Variants in UBE2QL1 observed in about 807,000 individuals in gnomAD.
UBE2QL1 encodes ubiquitin conjugating enzyme E2 QL1, also known as ubiquitin-conjugating enzyme E2Q-like protein 1.
UBE2QL1 carries 5 observed loss-of-function variants against 12.6 expected under a neutral mutation model. The ratio of observed to expected loss-of-function variants is 0.40; its 90% CI spans 0.21 to 0.83. UBE2QL1 has a LOEUF of 0.83. Ranked by LOEUF, UBE2QL1 falls within the 40% of genes least tolerant of loss-of-function variation. The pLI is 0.37. For missense variants in UBE2QL1, 99 were observed against 222.6 expected, an observed-to-expected ratio of 0.44 and a Z score of 3.53; for synonymous variants, 96 against 94.5, an observed-to-expected ratio of 1.02 and a Z score of -0.10.
intron 1 of UBE2QL1, among the ~76,000 whole-genome samples, chr5:6,487,908 G>A (rs1436466333): frequency 6.6e-6 from 1 of 152,232 alleles, no homozygotes. Flanking sequence ...GGCACAGCAA[G>A]GGCATGTCAG....
At chr5:6,485,355 A>G (rs1579302124) in intron 1 of UBE2QL1, among the ~76,000 whole-genome samples, 1 of 152,362 alleles carries the variant, frequency 6.6e-6, no homozygotes, top group East Asian at 1.9e-4. Context: ...TTTGTCCTTT[A>G]GAAACTTACA....
chr5:6,490,434 A>G (rs772062594), intron 1 of UBE2QL1, among the ~76,000 whole-genome samples: 1 of 152,232 alleles, frequency 6.6e-6, no homozygotes, highest in African/African-American at 2.4e-5. Context: ...TGACCACTGC[A>G]GAGACAAGTG....
intron 1 of UBE2QL1, among the ~76,000 whole-genome samples, chr5:6,450,818 T>C (rs1489836870): frequency 2.6e-5 from 4 of 152,216 alleles, no homozygotes; most frequent in Non-Finnish European, 5.9e-5. Flanking sequence ...GTAACAACTC[T>C]AGAAAAACAT....
At chr5:6,452,997 A>G (rs1436364812) in intron 1 of UBE2QL1, among the ~76,000 whole-genome samples, 1 of 152,162 alleles carries the variant, frequency 6.6e-6, no homozygotes, top group Non-Finnish European at 1.5e-5. Flanking sequence ...ATTGAGTGAC[A>G]ATTCCTCACT....
chr5:6,451,132 T>C (rs1739405073), intron 1 of UBE2QL1, among the ~76,000 whole-genome samples: 2 of 152,232 alleles, frequency 1.3e-5, no homozygotes, highest in Non-Finnish European at 2.9e-5. Flanking sequence ...TGTATTCCCT[T>C]CTGGGATCAC....
intron 1 of UBE2QL1, among the ~76,000 whole-genome samples, chr5:6,466,005 A>C (rs1739782045): frequency 1.4e-5 from 2 of 147,956 alleles, no homozygotes; most frequent in Non-Finnish European, 3.0e-5. Flanking sequence ...CTCCCCTCAC[A>C]CTCCCCTTGC....
intron 1 of UBE2QL1, among the ~76,000 whole-genome samples, chr5:6,486,312 A>G (rs554475): frequency 0.23 from 33,047 of 145,774 alleles, 4,182 homozygotes; most frequent in East Asian, 0.37. Flanking sequence ...ACACACAAGC[A>G]CACACACACA....
At chr5:6,449,723 C>T (rs1739373053) in intron 1 of UBE2QL1, among the ~76,000 whole-genome samples, 1 of 151,346 alleles carries the variant, frequency 6.6e-6, no homozygotes, top group South Asian at 2.1e-4. Flanking sequence ...GGCTCCCCTA[C>T]TCTTCTTTCC....
At chr5:6,460,001 G>A (rs933856541) in intron 1 of UBE2QL1, among the ~76,000 whole-genome samples, 3 of 151,990 alleles carry the variant, frequency 2.0e-5, no homozygotes, top group Non-Finnish European at 2.9e-5. Flanking sequence ...GCTGTCTTGC[G>A]AAAGATCCTA....
Position 6,449,006 on chromosome 5 carries a change from C to A in UBE2QL1, c.113C>A (p.Ser38Ter). 6.5e-7 allele frequency: 1 copy of A among 1,549,924 alleles called. No individual in the cohort carries two copies. Among genetic ancestry groups the A allele is most frequent in the Non-Finnish European group, 8.7e-7 (1 of 1,146,278 alleles). ...NVKLHQVDKD[S>*]VLWQDMKETN... is the part of the protein sequence containing the mutation. The stretch of plus-strand genomic sequence containing the variant: ...AAGCTGCACCAGGTGGACAAGGACT[C>A]GGTGCTGTGGCAGGACATGAAGGAG... The change falls in exon 1 of 2, where the codon TCG becomes TAG. Residue 38 changes from serine to a stop codon, truncating the protein, a stop_gained. Coordinates refer to ENST00000399816, the MANE Select transcript of UBE2QL1 (RefSeq NM_001145161.3). LOFTEE classifies it high-confidence loss of function.
At chr5:6,451,331 C>G (rs1329443804) in intron 1 of UBE2QL1, among the ~76,000 whole-genome samples, 1 of 151,796 alleles carries the variant, frequency 6.6e-6, no homozygotes, top group Admixed American at 6.6e-5. Context: ...ATAATAATTC[C>G]TTTGGTGCCC....
intron 1 of UBE2QL1, among the ~76,000 whole-genome samples, chr5:6,490,892 G>A (rs139228817): frequency 6.4e-4 from 98 of 152,288 alleles, no homozygotes; most frequent in Middle Eastern, 3.4e-3. Context: ...CCCCTCCTGC[G>A]TGTCTCAGGA....
chr5:6,449,337 G>A, intron 1 of UBE2QL1, 90 bp downstream of exon 1: 1 of 1,210,840 alleles, frequency 8.3e-7, no homozygotes, highest in South Asian at 3.1e-5. Flanking sequence ...GAGGGCCAGC[G>A]CCGGCCCCTC....
intron 1 of UBE2QL1, among the ~76,000 whole-genome samples, chr5:6,471,975 G>A (rs1739921415): frequency 6.6e-6 from 1 of 152,066 alleles, no homozygotes. Flanking sequence ...TCCATGCAAG[G>A]CCCATGGGAG....
At chr5:6,461,436 G>A (rs907467866) in intron 1 of UBE2QL1, among the ~76,000 whole-genome samples, 2 of 150,878 alleles carry the variant, frequency 1.3e-5, no homozygotes, top group Non-Finnish European at 2.9e-5. Flanking sequence ...TGTTTTTATT[G>A]TATTCCCAGT....
rs376238980 is a variant in UBE2QL1, at chr5:6,468,007, C to T, written c.354+18760C>T. On this transcript the variant is annotated intron_variant, in intron 1 of 1. Coordinates refer to ENST00000399816, the MANE Select transcript of UBE2QL1 (RefSeq NM_001145161.3). The stretch of plus-strand genomic sequence containing the variant: ...GCTGGGCCTCTCTCCTTGCTCTCAT[C>T]CAGATCAATGAACAGGGACTCGATC... Among the ~76,000 whole-genome samples, 16 of 152,274 alleles carry T rather than the reference C, an allele frequency of 1.1e-4. No individual in the cohort carries two copies. In the East Asian group the frequency reaches 1.7e-3, roughly 17 times the overall value.
chr5:6,467,729 G>A (rs561677057), intron 1 of UBE2QL1, among the ~76,000 whole-genome samples: 2 of 151,944 alleles, frequency 1.3e-5, no homozygotes, highest in African/African-American at 2.4e-5. Flanking sequence ...TGTCTTTGCC[G>A]GGGGTCTCTG....
chr5:6,458,980 T>C (rs1009990454), intron 1 of UBE2QL1, among the ~76,000 whole-genome samples: 1 of 146,324 alleles, frequency 6.8e-6, no homozygotes, highest in Non-Finnish European at 1.5e-5. Flanking sequence ...GCCTTCCTCC[T>C]CCAGGTTGGG....
At chr5:6,486,037 C>T (rs1341109972) in intron 1 of UBE2QL1, among the ~76,000 whole-genome samples, 5 of 152,222 alleles carry the variant, frequency 3.3e-5, no homozygotes, top group South Asian at 2.1e-4. Context: ...GAAGATCTTC[C>T]GTGATAGCTG....
Sources: allele counts gnomAD v4.1 joint callset (sites outside exome capture counted in the v4.1 genomes callset), GRCh38; gene constraint gnomAD v4.1.1; transcripts MANE v1.5; gene names NCBI Gene and HGNC (gene_info 2026-07-23, HGNC 2026-07-21).